The following CYFIP1 variants were observed in gnomAD, a reference collection of about 807,000 sequenced individuals.
CYFIP1 encodes the protein cytoplasmic FMR1 interacting protein 1.
Under a neutral mutation model 163.5 loss-of-function variants are expected in CYFIP1, and 58 were observed. That is an observed-to-expected ratio of 0.35 (90% CI 0.29 to 0.44). CYFIP1 has a LOEUF of 0.44. Among genes scored for constraint, CYFIP1 ranks in the 20% least tolerant of loss-of-function variants. The probability of loss-of-function intolerance (pLI) is 1.00; values close to 1 mark genes in which losing one functional copy is unlikely to be tolerated. For synonymous variants in CYFIP1, 663 were observed against 660.7 expected (o/e 1.00, Z -0.05); for missense variants, 1,338 against 1,653.8 (o/e 0.81, Z 3.31).
chr15:22,904,222 C>T (rs1048295815), intron 21 of CYFIP1: 12 of 435,148 alleles, frequency 2.8e-5, no homozygotes, highest in East Asian at 2.3e-4. Flanking sequence ...CGCTGAGCCC[C>T]GGCCCTGCCC....
chr15:22,909,127 T>A (rs2060694557), intron 21 of CYFIP1, 67 bp downstream of exon 21: 1 of 1,596,114 alleles, frequency 6.3e-7, no homozygotes, highest in Non-Finnish European at 8.6e-7. Context: ...ATCTCTTTTA[T>A]CATCTATACA....
At chr15:22,895,670 C>T (rs150687234) in intron 22 of CYFIP1, among the ~76,000 whole-genome samples, 1 of 152,296 alleles carries the variant, frequency 6.6e-6, no homozygotes, top group East Asian at 1.9e-4. Context: ...ACCAGAAAGA[C>T]AGCATGGGGT....
chr15:22,910,663 G>C, intron 19 of CYFIP1, 35 bp from the exon 20 acceptor site: 2 of 1,603,670 alleles, frequency 1.2e-6, no homozygotes, highest in Non-Finnish European at 1.7e-6. Context: ...TTTTTCATAC[G>C]CCATAAATTG....
chr15:22,870,122 T>C lies in CYFIP1; in HGVS notation c.3668A>G (p.Asp1223Gly). ...ILNDEIITIL[D>G]KYLKSGDGEG... is the part of the protein sequence containing the mutation. ...CCCGTCGCCTGACTTCAGGTACTTA[T>C]CCAGGATGGTGATGATCTCATCATT... The change falls in exon 31 of 31, where the codon GAT becomes GGT. Residue 1223 changes from aspartate (D) to glycine (G), a missense_variant. Asp to Gly is a moderately conservative substitution (Grantham distance 94). Coordinates refer to ENST00000617928, the MANE Select transcript of CYFIP1 (RefSeq NM_014608.6). 1.9e-6 allele frequency: 3 copies of C among 1,613,156 alleles called. No homozygotes were observed. The highest frequency in any genetic ancestry group is 2.2e-5 in the East Asian group (1 of 44,822).
At chr15:22,885,048 T>C (rs2141904445) in intron 23 of CYFIP1, among the ~76,000 whole-genome samples, 1 of 152,206 alleles carries the variant, frequency 6.6e-6, no homozygotes, top group South Asian at 2.1e-4. Context: ...TTTTCCCTCC[T>C]AGGCCTCTGG....
chr15:22,873,481 A>T lies in CYFIP1; in HGVS notation c.3449+10T>A, dbSNP rs2059493487. ...TCTGGGGCTTTGTCCTGCTCTCAGC[A>T]CACACTTACTCGACTGTGAACTCGT... On this transcript the variant is annotated intron_variant, in intron 29 of 30. Coordinates refer to ENST00000617928, the MANE Select transcript of CYFIP1 (RefSeq NM_014608.6). 2 of 1,608,728 alleles carry T rather than the reference A, an allele frequency of 1.2e-6. No homozygotes were observed. Among genetic ancestry groups the T allele is most frequent in the East Asian group, 4.5e-5 (2 of 44,862 alleles).
intron 22 of CYFIP1, 81 bp from the exon 23 acceptor site, chr15:22,893,058 A>G (rs1295797137): frequency 4.2e-6 from 4 of 952,546 alleles, no homozygotes; most frequent in Non-Finnish European, 6.5e-6. Context: ...TCCATAATCC[A>G]TCTACTAAAT....
intron 12 of CYFIP1, 39 bp from the exon 13 acceptor site, chr15:22,926,146 T>G: frequency 6.2e-7 from 1 of 1,612,102 alleles, no homozygotes; most frequent in South Asian, 1.1e-5. Context: ...CCATATTGCA[T>G]GCAAAACGCC....
At chr15:22,916,756 G>A in intron 15 of CYFIP1, 126 bp from the exon 16 acceptor site, 1 of 1,608,708 alleles carries the variant, frequency 6.2e-7, no homozygotes. Context: ...CCCCGCACCA[G>A]CTCCCCGAGG....
At chr15:22,874,781 C>T in intron 27 of CYFIP1, 137 bp from the exon 28 acceptor site, 1 of 619,912 alleles carries the variant, frequency 1.6e-6, no homozygotes, top group Non-Finnish European at 2.6e-6. Flanking sequence ...AATTATTTTA[C>T]AGAACTGGCT....
chr15:22,920,976 C>T (rs1365430532), intron 13 of CYFIP1, among the ~76,000 whole-genome samples: 1 of 152,108 alleles, frequency 6.6e-6, no homozygotes, highest in African/African-American at 2.4e-5. Flanking sequence ...TAGATGCACG[C>T]ATTAGAAAAC....
chr15:22,959,458 G>A (rs981710673), intron 1 of CYFIP1, among the ~76,000 whole-genome samples: 10 of 152,224 alleles, frequency 6.6e-5, no homozygotes, highest in East Asian at 1.9e-4. Flanking sequence ...TGAGCCCAGA[G>A]GGACAGGGAG....
intron 23 of CYFIP1, among the ~76,000 whole-genome samples, chr15:22,885,863 A>C (rs1170293172): frequency 1.3e-5 from 2 of 152,134 alleles, no homozygotes; most frequent in African/African-American, 4.8e-5. Context: ...TTCCAAAGTC[A>C]CTTCCACATT....
In CYFIP1 at chr15:22,879,948, C is replaced by G; in HGVS notation, c.3007G>C (p.Ala1003Pro). ...TCGATGAGCAGGCAGAAGAGGATGG[C>G]GTTCCCCACCTCCCGCAGGTTCTGG... ...CFQNLREVGN[A>P]ILFCLLIEQS... The change falls in exon 26 of 31, where the codon GCC becomes CCC. Residue 1003 changes from alanine to proline, a missense_variant. Transcript: ENST00000617928. The G allele has an allele frequency of 6.2e-7, 1 of 1,613,446 alleles. No homozygotes were observed. Among genetic ancestry groups the G allele is most frequent in the Non-Finnish European group, 8.5e-7 (1 of 1,179,964 alleles).
chr15:22,917,799 AG>A lies in CYFIP1; in HGVS notation c.1662del (p.Ser555ProfsTer8). On this transcript the variant is annotated frameshift_variant, in exon 15 of 31. Coordinates refer to ENST00000617928, the MANE Select transcript of CYFIP1 (RefSeq NM_014608.6). LOFTEE classifies it high-confidence loss of function. This position sits in a 1 kb window ranked among gnomAD's most constrained non-coding sequence, Gnocchi z 4.2. The part of the protein sequence containing the change: ...DIKVPRRAVG[P>X]SSTQLYMVRT... ...CAAGGGACGAGAACCTGAGTGCTGG[AG>A]GGTCCCACGGCGCGGCGTGGTACTT... is the stretch of plus-strand genomic sequence containing the variant. The A allele has an allele frequency of 6.2e-7, 1 of 1,609,210 alleles. No individual in the cohort carries two copies. Among genetic ancestry groups the A allele is most frequent in the Non-Finnish European group, 8.5e-7 (1 of 1,177,800 alleles).
At chr15:22,890,664 CCG>C in intron 23 of CYFIP1, among the ~76,000 whole-genome samples, 1 of 151,716 alleles carries the variant, frequency 6.6e-6, no homozygotes, top group South Asian at 2.1e-4. Context: ...ACAGCGGAGG[CCG>C]CACCTGCCAA....
At chr15:22,966,183 T>C (rs2062896127) in intron 1 of CYFIP1, among the ~76,000 whole-genome samples, 4 of 148,152 alleles carry the variant, frequency 2.7e-5, no homozygotes, top group African/African-American at 9.8e-5. Flanking sequence ...ACCCCGTCTC[T>C]ACTAAAAAAA....
intron 1 of CYFIP1, among the ~76,000 whole-genome samples, chr15:22,950,018 G>C (rs972897661): frequency 1.3e-5 from 2 of 151,982 alleles, no homozygotes; most frequent in African/African-American, 4.8e-5. Context: ...AAGCAAAATA[G>C]ATAACATATA....
rs954110575 is a variant in CYFIP1 at position 22,939,421 on chromosome 15, T to C, written c.656A>G (p.Lys219Arg). The C allele has an allele frequency of 6.2e-7, 1 of 1,614,094 alleles. No individual in the cohort carries two copies. Residue 219 changes from lysine (K) to arginine (R), a missense_variant, in exon 7 of 31, where the codon AAG (lysine) becomes AGG (arginine). Transcript: ENST00000617928. ...NLSMFLANHNKITQSLQQQLE... is the reference protein window; with the variant it reads ...NLSMFLANHNRITQSLQQQLE... ...AAACACCAGCCTTACCTGTGTGATC[T>C]TGTTATGATTGGCCAGGAACATGGA...
Sources: allele counts gnomAD v4.1 joint callset (sites outside exome capture counted in the v4.1 genomes callset), GRCh38; gene constraint gnomAD v4.1.1; non-coding constraint Gnocchi (gnomAD v3.1); transcripts MANE v1.5; gene names NCBI Gene and HGNC (gene_info 2026-07-23, HGNC 2026-07-21).